Variants in LARGE1 observed in about 807,000 individuals in gnomAD.
LARGE1 encodes the protein xylosyl- and glucuronyltransferase LARGE1.
In LARGE1, 43 loss-of-function variants were observed where a neutral mutation model predicts 87.6. The ratio of observed to expected loss-of-function variants is 0.49; its 90% confidence interval spans 0.38 to 0.63. The LOEUF (loss-of-function observed/expected upper bound fraction) is 0.63, where lower values mean the gene tolerates loss of function less well. Ranked by LOEUF, LARGE1 falls within the 30% of genes least tolerant of loss-of-function variation. LARGE1 has a pLI of 0.00. For missense variants in LARGE1, 802 were observed against 1,000.2 expected, an observed-to-expected ratio of 0.80 and a Z score of 2.67; for synonymous variants, 434 against 394.6, an observed-to-expected ratio of 1.10 and a Z score of -1.18.
chr22:33,690,451 C>G (rs2082066640), intron 2 of LARGE1, among the ~76,000 whole-genome samples: 1 of 152,120 alleles, frequency 6.6e-6, no homozygotes, highest in African/African-American at 2.4e-5. Context: ...AAATAGGTAT[C>G]TACATCCCCA....
chr22:33,208,740 G>A (rs1924813786), intron 11 of LARGE1, among the ~76,000 whole-genome samples: 1 of 152,126 alleles, frequency 6.6e-6, no homozygotes, highest in African/African-American at 2.4e-5. Flanking sequence ...CCACCAGACA[G>A]GCCATGGTAT....
rs1006520524 is a variant in LARGE1, at chr22:33,245,033, A to T, written c.1730+59196T>A. 2.0e-5 allele frequency among the ~76,000 whole-genome samples: 3 copies of T among 152,248 alleles called. No homozygotes were observed. The East Asian group carries it at 5.8e-4, about 29-fold the overall frequency. On this transcript the variant is annotated intron_variant, in intron 11 of 11. Coordinates refer to the LARGE1 transcript ENST00000608642. The stretch of plus-strand genomic sequence containing the variant: ...TCCATCAAGTTCAAGACACTTGTGT[A>T]AGCAATGAAACCAGCCATTTAGTCC...
intron 1 of LARGE1, among the ~76,000 whole-genome samples, chr22:33,871,067 TTA>T (rs2064265093): frequency 6.6e-6 from 1 of 152,234 alleles, no homozygotes. Context: ...CTAGCCTCTT[TTA>T]AAACTTTGTA....
chr22:33,277,617 T>C (rs1569005010), intron 13 of LARGE1, among the ~76,000 whole-genome samples: 2 of 152,088 alleles, frequency 1.3e-5, no homozygotes, highest in Non-Finnish European at 2.9e-5. Flanking sequence ...AAATCAAAGA[T>C]TGCTAAACAC....
intron 5 of LARGE1, among the ~76,000 whole-genome samples, chr22:33,600,431 A>G (rs2079083027): frequency 1.3e-5 from 2 of 152,224 alleles, no homozygotes; most frequent in South Asian, 2.1e-4. Flanking sequence ...CAAAAGCATG[A>G]AAGAATACCC....
chr22:33,358,997 T>TAAAAAAAAA (rs35961638), intron 9 of LARGE1, among the ~76,000 whole-genome samples: 1 of 141,776 alleles, frequency 7.1e-6, no homozygotes. Flanking sequence ...GACTCCATCT[T>TAAAAAAAAA]AAAAAAAAAA....
At chr22:33,494,415 C>G (rs1435253728) in intron 6 of LARGE1, among the ~76,000 whole-genome samples, 2 of 152,174 alleles carry the variant, frequency 1.3e-5, no homozygotes, top group East Asian at 3.8e-4. Flanking sequence ...TAAAATATAA[C>G]AAAGATTAAT....
chr22:33,903,261 A>G (rs776534681), intron 1 of LARGE1, among the ~76,000 whole-genome samples: 1 of 152,264 alleles, frequency 6.6e-6, no homozygotes, highest in Non-Finnish European at 1.5e-5. Flanking sequence ...ATATGAAAAC[A>G]GCAGGAAAAG....
chr22:33,830,245 T>C (rs2062927150), intron 1 of LARGE1, among the ~76,000 whole-genome samples: 1 of 151,998 alleles, frequency 6.6e-6, no homozygotes, highest in Non-Finnish European at 1.5e-5. Flanking sequence ...TCCAGCTAAA[T>C]CAAATTCCAT....
chr22:33,298,538 A>G (rs1933678273), intron 12 of LARGE1, among the ~76,000 whole-genome samples: 1 of 152,224 alleles, frequency 6.6e-6, no homozygotes, highest in Non-Finnish European at 1.5e-5. Context: ...AGTACTCAGC[A>G]TCAGTCAGCC....
chr22:33,444,775 G>C (rs1437413240), intron 6 of LARGE1, among the ~76,000 whole-genome samples: 1 of 152,112 alleles, frequency 6.6e-6, no homozygotes, highest in African/African-American at 2.4e-5. Context: ...ATCAGAATCA[G>C]AGTCTAGCAA....
At chr22:33,381,876 C>T (rs1293024147) in intron 9 of LARGE1, 43 bp downstream of exon 9, 1 of 1,613,088 alleles carries the variant, frequency 6.2e-7, no homozygotes, top group Admixed American at 1.7e-5. Context: ...TCCTCTCGGC[C>T]CACCTCACCC....
At chr22:33,345,786 C>G (rs1483492085) in intron 9 of LARGE1, among the ~76,000 whole-genome samples, 2 of 152,166 alleles carry the variant, frequency 1.3e-5, no homozygotes, top group Non-Finnish European at 2.9e-5. Flanking sequence ...AGTTCAAAGG[C>G]AGAAACAAGA....
intron 2 of LARGE1, chr22:33,723,696 C>T (rs78979622): frequency 0.052 from 7,884 of 152,216 alleles, 303 homozygotes; most frequent in South Asian, 0.2. Flanking sequence ...CAGGAGACTG[C>T]CATCCACACA....
At chr22:33,608,053 A>G (rs2079316029) in intron 4 of LARGE1, among the ~76,000 whole-genome samples, 1 of 152,168 alleles carries the variant, frequency 6.6e-6, no homozygotes, top group South Asian at 2.1e-4. Flanking sequence ...GCCAAGTCAG[A>G]GGCAGCAGGA....
chr22:33,528,405 G>C (rs2072022522), intron 6 of LARGE1, among the ~76,000 whole-genome samples: 1 of 152,148 alleles, frequency 6.6e-6, no homozygotes, highest in Admixed American at 6.5e-5. Flanking sequence ...TATAGGAGGA[G>C]TCATGAATAT....
At chr22:33,904,622 C>A (rs1426249876) in intron 1 of LARGE1, among the ~76,000 whole-genome samples, 1 of 152,160 alleles carries the variant, frequency 6.6e-6, no homozygotes, top group Non-Finnish European at 1.5e-5. Context: ...GCAGTAGAGT[C>A]GGTGACGCTG....
chr22:33,336,505 A>G (rs768972776), intron 10 of LARGE1, among the ~76,000 whole-genome samples: 7 of 151,786 alleles, frequency 4.6e-5, no homozygotes, highest in South Asian at 2.1e-4. Flanking sequence ...TGGCCCCACA[A>G]AAGTTTTTAT....
At chr22:33,422,104 A>G (rs2066714108) in intron 7 of LARGE1, among the ~76,000 whole-genome samples, 1 of 152,214 alleles carries the variant, frequency 6.6e-6, no homozygotes, top group African/African-American at 2.4e-5. Context: ...ACAGCTTTGC[A>G]TCCAGCCAGC....
Sources: gnomAD v4.1 joint callset for allele counts (sites outside exome capture counted in the v4.1 genomes callset) on GRCh38, gnomAD v4.1.1 for gene constraint, MANE v1.5 for transcripts, NCBI Gene and HGNC (gene_info 2026-07-23, HGNC 2026-07-21) for gene names.